Variants in MCTP2 observed in about 807,000 individuals in gnomAD.
MCTP2 encodes multiple C2 and transmembrane domain-containing protein 2.
A neutral mutation model predicts 111.6 loss-of-function variants in MCTP2; 132 were observed. That is an observed-to-expected ratio of 1.18 (90% confidence interval 1.03 to 1.37). The LOEUF (loss-of-function observed/expected upper bound fraction) is 1.37, where lower values mean the gene tolerates loss of function less well. MCTP2 is among the 40% of genes most tolerant of loss of function. MCTP2 has a pLI of 0.00. For synonymous variants in MCTP2, 395 were observed against 387.7 expected (o/e 1.02, Z -0.22); for missense variants, 1,183 against 1,067.9 (o/e 1.11, Z -1.50).
At chr15:94,241,045 T>C (rs1302288485) in intron 1 of MCTP2, among the ~76,000 whole-genome samples, 1 of 152,116 alleles carries the variant, frequency 6.6e-6, no homozygotes, top group African/African-American at 2.4e-5. Flanking sequence ...ACGGTGGATG[T>C]TTTGGTTATC....
intron 1 of MCTP2, among the ~76,000 whole-genome samples, chr15:94,245,851 C>T (rs55706240): frequency 0.42 from 63,126 of 151,110 alleles, 13,537 homozygotes; most frequent in African/African-American, 0.47. Context: ...AAATATTGAT[C>T]AGCTATGATT....
intron 10 of MCTP2, among the ~76,000 whole-genome samples, chr15:94,367,138 C>T (rs957220009): frequency 2.0e-5 from 3 of 152,106 alleles, no homozygotes; most frequent in Non-Finnish European, 2.9e-5. Flanking sequence ...AGGAAGAAAA[C>T]GATTTCTCCA....
chr15:94,463,692 A>G (rs1567762453), intron 20 of MCTP2, among the ~76,000 whole-genome samples: 1 of 152,154 alleles, frequency 6.6e-6, no homozygotes, highest in Non-Finnish European at 1.5e-5. Flanking sequence ...TTCACCCTCA[A>G]GAATGATGTT....
chr15:94,337,967 C>A (rs1410718831), intron 4 of MCTP2, among the ~76,000 whole-genome samples: 15 of 152,010 alleles, frequency 9.9e-5, no homozygotes, highest in Admixed American at 9.8e-4. Flanking sequence ...TAGTGCATTC[C>A]ATTTTCAGTA....
intron 1 of MCTP2, among the ~76,000 whole-genome samples, chr15:94,257,595 T>TTTTTTTTTTTTTTTTTTTTTTTTC (rs2072896807): frequency 1.5e-5 from 1 of 68,228 alleles, no homozygotes; most frequent in African/African-American, 6.3e-5. Context: ...TTTTTTTTTT[T>TTTTTTTTTTTTTTTTTTTTTTTTC]TTTTTTTTTG....
chr15:94,471,341 G>C (rs1259996397), intron 21 of MCTP2, among the ~76,000 whole-genome samples: 2 of 152,236 alleles, frequency 1.3e-5, no homozygotes, highest in Admixed American at 1.3e-4. Flanking sequence ...AAGAGACTGT[G>C]TTGAGACGCA....
chr15:94,315,603 G>A lies in MCTP2; in HGVS notation c.603G>A (p.Lys201=), dbSNP rs2076343605. The change falls in exon 4 of 23, where the codon AAG becomes AAA. Residue 201 remains lysine, a synonymous_variant. Transcript: ENST00000357742. ...PFAYLLTIHL[K]EGRNLVVRDR... is the part of the protein sequence containing the mutation. The stretch of plus-strand genomic sequence containing the variant: ...CGTACCTCCTCACCATACACCTGAA[G>A]GAAGGCCGGAACCTGGTTGTCCGAG... The A allele has an allele frequency of 6.2e-7, 1 of 1,614,006 alleles. No individual in the cohort carries two copies. The highest frequency in any genetic ancestry group is 8.5e-7 in the Non-Finnish European group (1 of 1,180,020).
intron 1 of MCTP2, among the ~76,000 whole-genome samples, chr15:94,248,263 C>G (rs1220103103): frequency 6.6e-6 from 1 of 152,150 alleles, no homozygotes; most frequent in Non-Finnish European, 1.5e-5. Flanking sequence ...CACTTGCACC[C>G]CAAGTGTTTG....
intron 17 of MCTP2, among the ~76,000 whole-genome samples, chr15:94,430,674 G>A (rs2083137332): frequency 1.3e-5 from 2 of 152,036 alleles, no homozygotes; most frequent in Non-Finnish European, 2.9e-5. Flanking sequence ...CTGGAACCTG[G>A]GAGGTGGAGG....
chr15:94,344,281 G>A lies in MCTP2; in HGVS notation c.970-848G>A, dbSNP rs1222367527. 2.0e-5 allele frequency among the ~76,000 whole-genome samples: 3 copies of A among 152,140 alleles called. No homozygotes were observed. In the East Asian group the frequency reaches 5.8e-4, roughly 29 times the overall value. ...TAATTTTCTGGTTTCTAATGTATTG[G>A]GAAGACATATTGGCAAAGTGGATCG... On this transcript the variant is annotated intron_variant, in intron 7 of 22. Coordinates refer to ENST00000357742, the MANE Select transcript of MCTP2 (RefSeq NM_001385001.1).
chr15:94,436,465 A>G (rs1350980168), intron 17 of MCTP2, among the ~76,000 whole-genome samples: 3 of 152,192 alleles, frequency 2.0e-5, no homozygotes, highest in Non-Finnish European at 4.4e-5. Flanking sequence ...TTATGCATTG[A>G]TTTAAAAAAT....
At chr15:94,254,549 G>T (rs1181295842) in intron 1 of MCTP2, among the ~76,000 whole-genome samples, 1 of 152,180 alleles carries the variant, frequency 6.6e-6, no homozygotes, top group African/African-American at 2.4e-5. Flanking sequence ...CAAACAAAGG[G>T]CCACTATTTA....
chr15:94,265,718 ATTATC>A (rs1452517222), intron 1 of MCTP2, among the ~76,000 whole-genome samples: 1 of 152,192 alleles, frequency 6.6e-6, no homozygotes, highest in East Asian at 1.9e-4. Flanking sequence ...TATTATATAA[ATTATC>A]TTAATGAAGC....
chr15:94,298,585 A>G lies in MCTP2; in HGVS notation c.320A>G (p.Gln107Arg), dbSNP rs2075383921. 1.2e-6 allele frequency: 2 copies of G among 1,614,152 alleles called. No individual in the cohort carries two copies. The highest frequency in any genetic ancestry group is 4.5e-5 in the East Asian group (2 of 44,874). The change falls in exon 2 of 23, where the codon CAG becomes CGG. Residue 107 changes from glutamine (Q) to arginine (R), a missense_variant. Coordinates refer to ENST00000357742, the MANE Select transcript of MCTP2 (RefSeq NM_001385001.1). ...KQSEEELDWS[Q>R]EEASHLHVVE... ...TCTGAAGAAGAATTGGATTGGAGCC[A>G]GGAAGAAGCCAGTCACCTCCATGTG... is the stretch of plus-strand genomic sequence containing the variant.
chr15:94,289,928 A>G (rs1304592877), intron 1 of MCTP2, among the ~76,000 whole-genome samples: 1 of 152,134 alleles, frequency 6.6e-6, no homozygotes, highest in Non-Finnish European at 1.5e-5. Context: ...TTAAAAGTGG[A>G]AGAGGAAAAC....
intron 1 of MCTP2, among the ~76,000 whole-genome samples, chr15:94,245,390 A>G (rs1390382353): frequency 3.9e-5 from 2 of 50,778 alleles, no homozygotes; most frequent in African/African-American, 1.5e-4. Context: ...ATATGTATTT[A>G]TATACATGTG....
intron 19 of MCTP2, among the ~76,000 whole-genome samples, chr15:94,446,281 A>C (rs2084112141): frequency 6.6e-6 from 1 of 152,206 alleles, no homozygotes; most frequent in Non-Finnish European, 1.5e-5. Flanking sequence ...CTAATACCTG[A>C]CGGCTCATGT....
At chr15:94,437,754 T>A (rs1010360467) in intron 17 of MCTP2, among the ~76,000 whole-genome samples, 2 of 152,034 alleles carry the variant, frequency 1.3e-5, no homozygotes, top group Non-Finnish European at 2.9e-5. Flanking sequence ...TAAAATGTGG[T>A]CTTGGTAAAA....
At chr15:94,324,599 A>G (rs1018626378) in intron 4 of MCTP2, among the ~76,000 whole-genome samples, 1 of 152,196 alleles carries the variant, frequency 6.6e-6, no homozygotes, top group Admixed American at 6.5e-5. Flanking sequence ...TTTCCAGCAC[A>G]GGTAGATATC....
Sources: gnomAD v4.1 joint callset for allele counts (sites outside exome capture counted in the v4.1 genomes callset) on GRCh38, gnomAD v4.1.1 for gene constraint, MANE v1.5 for transcripts, NCBI Gene and HGNC (gene_info 2026-07-23, HGNC 2026-07-21) for gene names.